ZNF521: variants seen among roughly 807,000 people sequenced by gnomAD.
The protein encoded by ZNF521 is zinc finger protein 521, also known as LYST-interacting protein 3.
A neutral mutation model predicts 105.5 loss-of-function variants in ZNF521; 14 were observed. The observed-to-expected ratio is 0.13, with a 90% CI of 0.09 to 0.21. The LOEUF (loss-of-function observed/expected upper bound fraction) is 0.21, where lower values mean the gene tolerates loss of function less well. Among genes scored for constraint, ZNF521 ranks in the 10% least tolerant of loss-of-function variants. ZNF521 has a pLI of 1.00. For missense variants in ZNF521, 1,233 were observed against 1,629.7 expected (o/e 0.76, Z 4.19); for synonymous variants, 635 against 606.0 (o/e 1.05, Z -0.70).
chr18:25,220,077 A>C lies in ZNF521; in HGVS notation c.3573+4268T>G, dbSNP rs116497259. On this transcript the variant is annotated intron_variant, in intron 4 of 7. Transcript: ENST00000361524. The stretch of plus-strand genomic sequence containing the variant: ...AGGAGGCCCCATGGAGGGGATATGC[A>C]GACTGAGAGCAATGAGGGGGAAACA... Among the ~76,000 whole-genome samples, 781 of 152,280 alleles carry C rather than the reference A, an allele frequency of 5.1e-3. 8 individuals carry two copies. Among genetic ancestry groups the C allele is most frequent in the African/African-American group, 0.018 (733 of 41,562 alleles).
At chr18:25,207,344 CTAT>C (rs71167851) in intron 4 of ZNF521, among the ~76,000 whole-genome samples, 71,440 of 151,556 alleles carry the variant, frequency 0.47, 17,209 homozygotes, top group African/African-American at 0.58. Flanking sequence ...AAAGGAGCTG[CTAT>C]TATTGCCATC....
chr18:25,213,010 A>T (rs560588769), intron 4 of ZNF521, among the ~76,000 whole-genome samples: 1 of 151,462 alleles, frequency 6.6e-6, no homozygotes, highest in East Asian at 1.9e-4. Flanking sequence ...GTATATTTTC[A>T]ATTTTTGTGC....
intron 3 of ZNF521, among the ~76,000 whole-genome samples, chr18:25,258,776 C>T (rs900420254): frequency 6.6e-6 from 1 of 152,108 alleles, no homozygotes; most frequent in African/African-American, 2.4e-5. Flanking sequence ...CGTGGCCTCT[C>T]TATTTATAAA....
intron 3 of ZNF521, among the ~76,000 whole-genome samples, chr18:25,265,004 G>A (rs115071072): frequency 7.2e-5 from 11 of 152,222 alleles, no homozygotes; most frequent in African/African-American, 1.9e-4. Flanking sequence ...AACTATCACC[G>A]GGGAAAAATA....
At chr18:25,328,516 T>C (rs998614730) in intron 2 of ZNF521, among the ~76,000 whole-genome samples, 2 of 152,026 alleles carry the variant, frequency 1.3e-5, no homozygotes, top group African/African-American at 4.8e-5. Context: ...CCCAAGTTTC[T>C]TTCTTCCATT....
chr18:25,126,704 A>C (rs45562540), intron 5 of ZNF521, among the ~76,000 whole-genome samples: 40,049 of 152,048 alleles, frequency 0.26, 6,346 homozygotes, highest in Non-Finnish European at 0.35. Context: ...AGAGATAAGC[A>C]CAATAAGATA....
intron 7 of ZNF521, among the ~76,000 whole-genome samples, chr18:25,065,295 A>G (rs1258956865): frequency 6.6e-6 from 1 of 152,240 alleles, no homozygotes; most frequent in Non-Finnish European, 1.5e-5. Context: ...GAAATTTTTG[A>G]GCACTGACAT....
intron 5 of ZNF521, among the ~76,000 whole-genome samples, chr18:25,165,354 C>T (rs2144537681): frequency 6.6e-6 from 1 of 152,206 alleles, no homozygotes; most frequent in African/African-American, 2.4e-5. Context: ...TCAATTATAC[C>T]AAAAAACACG....
chr18:25,308,652 C>T (rs1003892855), intron 3 of ZNF521, among the ~76,000 whole-genome samples: 1 of 87,850 alleles, frequency 1.1e-5, no homozygotes, highest in Non-Finnish European at 2.0e-5. Context: ...AATGACATCC[C>T]CCCCCCCCCA....
At chr18:25,150,102 G>T (rs1300542057) in intron 5 of ZNF521, among the ~76,000 whole-genome samples, 1 of 152,140 alleles carries the variant, frequency 6.6e-6, no homozygotes, top group Non-Finnish European at 1.5e-5. Flanking sequence ...TTAATAAAAA[G>T]AAACAAGTTA....
At chr18:25,313,254 C>T (rs1041752353) in intron 3 of ZNF521, among the ~76,000 whole-genome samples, 12 of 152,044 alleles carry the variant, frequency 7.9e-5, no homozygotes, top group South Asian at 2.1e-4. Context: ...ACTGGACTTA[C>T]GGATCAGAAT....
At chr18:25,210,304 C>G (rs2036156428) in intron 4 of ZNF521, among the ~76,000 whole-genome samples, 1 of 152,136 alleles carries the variant, frequency 6.6e-6, no homozygotes, top group African/African-American at 2.4e-5. Flanking sequence ...ATGACCCTGT[C>G]AACTGTTACA....
At chr18:25,097,229 T>C (rs776001958) in intron 5 of ZNF521, among the ~76,000 whole-genome samples, 3 of 152,154 alleles carry the variant, frequency 2.0e-5, no homozygotes, top group Non-Finnish European at 4.4e-5. Context: ...CATCACATTC[T>C]TTCCAGGGCC....
At chr18:25,268,595 A>G (rs1391935282) in intron 3 of ZNF521, among the ~76,000 whole-genome samples, 1 of 152,240 alleles carries the variant, frequency 6.6e-6, no homozygotes, top group East Asian at 1.9e-4. Flanking sequence ...GTAGAAACCC[A>G]TAAGCCAGAA....
intron 3 of ZNF521, among the ~76,000 whole-genome samples, chr18:25,277,288 C>T (rs957723301): frequency 3.9e-5 from 6 of 151,904 alleles, no homozygotes; most frequent in Non-Finnish European, 8.8e-5. Flanking sequence ...TATAATTTTT[C>T]GATCTTTCCT....
chr18:25,158,346 C>T (rs1378043494), intron 5 of ZNF521, among the ~76,000 whole-genome samples: 1 of 151,874 alleles, frequency 6.6e-6, no homozygotes, highest in Non-Finnish European at 1.5e-5. Context: ...AGAAAACATT[C>T]CAAAATGCTA....
chr18:25,258,834 C>A (rs1908700674), intron 3 of ZNF521, among the ~76,000 whole-genome samples: 1 of 152,150 alleles, frequency 6.6e-6, no homozygotes, highest in African/African-American at 2.4e-5. Context: ...TCCATCTACA[C>A]AACAGGGTAA....
At chr18:25,117,812 GA>G (rs1159412178) in intron 5 of ZNF521, among the ~76,000 whole-genome samples, 3 of 151,808 alleles carry the variant, frequency 2.0e-5, no homozygotes, top group African/African-American at 7.3e-5. Context: ...AAGAAAACGG[GA>G]AAAAATAATA....
intron 5 of ZNF521, among the ~76,000 whole-genome samples, chr18:25,152,104 T>G (rs1434223819): frequency 6.6e-6 from 1 of 152,188 alleles, no homozygotes; most frequent in African/African-American, 2.4e-5. Context: ...TTTCTACACA[T>G]TTTTGAAGCC....
Sources: gnomAD v4.1 joint callset for allele counts (sites outside exome capture counted in the v4.1 genomes callset) on GRCh38, gnomAD v4.1.1 for gene constraint, MANE v1.5 for transcripts, NCBI Gene and HGNC (gene_info 2026-07-23, HGNC 2026-07-21) for gene names.